CD109: variants seen among roughly 807,000 people sequenced by gnomAD.
The protein encoded by CD109 is CD109 molecule, also known as CD109 antigen.
Under a neutral mutation model 165.8 loss-of-function variants are expected in CD109, and 149 were observed. The observed-to-expected ratio is 0.90, with a 90% CI of 0.79 to 1.03. The LOEUF (loss-of-function observed/expected upper bound fraction) is 1.03. CD109 is among the 50% of genes least tolerant of loss of function. CD109 has a pLI of 0.00. For missense variants in CD109, 1,712 were observed against 1,677.8 expected (o/e 1.02, Z -0.36); for synonymous variants, 585 against 592.1 (o/e 0.99, Z 0.18).
At chr6:73,685,243 A>C in the CD109 span, among the ~76,000 whole-genome samples, 1 of 152,000 alleles carries the variant, frequency 6.6e-6, no homozygotes, top group Non-Finnish European at 1.5e-5. Context: ...CTTGTTATTG[A>C]GTAGTTTGAG....
intron 3 of CD109, among the ~76,000 whole-genome samples, chr6:73,727,241 C>T (rs942641998): frequency 2.0e-5 from 3 of 152,132 alleles, no homozygotes; most frequent in Admixed American, 1.3e-4. Flanking sequence ...CCGAGGTCTG[C>T]ATTGACACCA....
At chr6:73,753,134 C>A (rs1773256115) in intron 5 of CD109, among the ~76,000 whole-genome samples, 1 of 152,142 alleles carries the variant, frequency 6.6e-6, no homozygotes, top group African/African-American at 2.4e-5. Context: ...CATAGTCGTG[C>A]TCGTTTGTTT....
At chr6:73,790,512 G>T (rs1449146011) in intron 22 of CD109, among the ~76,000 whole-genome samples, 1 of 152,188 alleles carries the variant, frequency 6.6e-6, no homozygotes, top group Non-Finnish European at 1.5e-5. Context: ...TTATTATGAG[G>T]AATTGGCTCA....
the CD109 span, among the ~76,000 whole-genome samples, chr6:73,685,182 A>T: frequency 6.6e-6 from 1 of 152,110 alleles, no homozygotes; most frequent in Non-Finnish European, 1.5e-5. Context: ...GATTATAGGC[A>T]TGAGCCACTG....
chr6:73,778,321 G>T (rs183729953), intron 15 of CD109, among the ~76,000 whole-genome samples: 11 of 152,238 alleles, frequency 7.2e-5, no homozygotes, highest in African/African-American at 2.6e-4. Flanking sequence ...TCTAGATATA[G>T]GATTATGTCA....
intron 23 of CD109, among the ~76,000 whole-genome samples, chr6:73,793,040 C>A (rs553824958): frequency 6.6e-6 from 1 of 152,210 alleles, no homozygotes; most frequent in South Asian, 2.1e-4. Context: ...GAGTTAGTTT[C>A]TGGTGGGAGG....
chr6:73,725,504 C>CTTCT lies in CD109; in HGVS notation c.276+2227_276+2228insCTTT, dbSNP rs747396382. Among the ~76,000 whole-genome samples, 697 of 89,424 alleles carry CTTCT rather than the reference C, an allele frequency of 7.8e-3. 7 individuals are homozygous for CTTCT. The highest frequency in any genetic ancestry group is 0.012 in the Non-Finnish European group (551 of 47,894). 58.7% of individuals were successfully genotyped at this position (89,424 alleles called of 152,430 possible). A position where few individuals can be genotyped will look rare whatever the true frequency, so the allele number is the denominator to read the frequency against. On this transcript the variant is annotated intron_variant, in intron 3 of 32. Coordinates refer to ENST00000287097, the MANE Select transcript of CD109 (RefSeq NM_133493.5). ...AACTAGAAATTTGTCTACTACACTT[C>CTTCT]TTTTTTTTTTTTTTTTTTTTTGAGA...
intron 14 of CD109, among the ~76,000 whole-genome samples, chr6:73,770,255 A>G (rs1380240728): frequency 6.6e-6 from 1 of 152,176 alleles, no homozygotes; most frequent in African/African-American, 2.4e-5. Context: ...CATCTCAGAG[A>G]GTTGGAGAAA....
chr6:73,802,853 C>T (rs928949606), intron 23 of CD109, among the ~76,000 whole-genome samples: 3 of 152,058 alleles, frequency 2.0e-5, no homozygotes, highest in African/African-American at 7.2e-5. Context: ...GCATGTGCCA[C>T]CATGCCCGGC....
Position 73,823,767 on chromosome 6 carries a change from G to A in CD109, c.*134G>A. On this transcript the variant is annotated 3_prime_UTR_variant, in exon 33 of 33. Coordinates refer to ENST00000287097, the MANE Select transcript of CD109 (RefSeq NM_133493.5). The stretch of plus-strand genomic sequence containing the variant: ...CTTTCTATGGGGTTGCAGGGATGGT[G>A]TACAACAGGTCCTAGCATGTATAGC... 1.4e-6 allele frequency: 1 copy of A among 717,606 alleles called. No individual in the cohort carries two copies. Among genetic ancestry groups the A allele is most frequent in the East Asian group, 2.6e-5 (1 of 38,938 alleles). The allele number at this position is 717,606 out of a possible 1,614,324, so 44.5% of individuals were successfully genotyped here. A position where few individuals can be genotyped will look rare whatever the true frequency, so the allele number is the denominator to read the frequency against.
intron 27 of CD109, among the ~76,000 whole-genome samples, chr6:73,810,777 CAAT>C (rs1775727187): frequency 6.6e-6 from 1 of 151,990 alleles, no homozygotes; most frequent in Non-Finnish European, 1.5e-5. Context: ...TGACAAAAAT[CAAT>C]AAGATCTATA....
chr6:73,724,599 G>A (rs1055591876), intron 3 of CD109, among the ~76,000 whole-genome samples: 3 of 150,536 alleles, frequency 2.0e-5, no homozygotes, highest in African/African-American at 7.3e-5. Context: ...AGCCAGGTTC[G>A]CTCATTACCT....
At chr6:73,692,213 C>G (rs1473603857), upstream of CD109, among the ~76,000 whole-genome samples, 1 of 152,092 alleles carries the variant, frequency 6.6e-6, no homozygotes, top group Non-Finnish European at 1.5e-5. Context: ...AGATCCAAAC[C>G]ATATCAACAC....
intron 31 of CD109, 39 bp from the exon 32 acceptor site, chr6:73,820,422 A>C (rs1309916895): frequency 1.8e-6 from 2 of 1,120,364 alleles, no homozygotes; most frequent in African/African-American, 3.1e-5. Context: ...ATGAACACAC[A>C]GTGTGCCAAC....
intron 3 of CD109, among the ~76,000 whole-genome samples, chr6:73,728,895 A>T (rs1339799680): frequency 6.6e-6 from 1 of 152,244 alleles, no homozygotes; most frequent in Non-Finnish European, 1.5e-5. Flanking sequence ...AACTTTTATT[A>T]CTTCTCACAG....
intron 22 of CD109, among the ~76,000 whole-genome samples, chr6:73,790,692 G>T (rs1239258349): frequency 1.3e-5 from 2 of 152,074 alleles, no homozygotes; most frequent in East Asian, 3.9e-4. Flanking sequence ...AAGTAGTGAG[G>T]CAGGAAAAAA....
At chr6:73,748,540 G>A (rs933581966) in intron 5 of CD109, among the ~76,000 whole-genome samples, 4 of 152,156 alleles carry the variant, frequency 2.6e-5, no homozygotes, top group Admixed American at 6.5e-5. Flanking sequence ...TAGATCAGAA[G>A]GTCCATGCGG....
chr6:73,754,618 A>G (rs887806639), intron 5 of CD109, among the ~76,000 whole-genome samples: 2 of 152,208 alleles, frequency 1.3e-5, no homozygotes, highest in East Asian at 1.9e-4. Flanking sequence ...TTGATTTCCT[A>G]TATTTGTAAA....
Position 73,818,891 on chromosome 6 carries a change from G to T in CD109, c.4059+356G>T, listed in dbSNP as rs573002710. On this transcript the variant is annotated intron_variant, in intron 31 of 32. Coordinates refer to ENST00000287097, the MANE Select transcript of CD109 (RefSeq NM_133493.5). ...GAGTTGCCTAGGCTGGAGTGCAGTG[G>T]TGCAATCGTAGCTCACTGCAACCTC... Among the ~76,000 whole-genome samples the T allele has an allele frequency of 2.6e-5, 4 of 152,312 alleles. No individual in the cohort carries two copies. In the East Asian group the frequency reaches 7.7e-4, roughly 29 times the overall value.
Sources: gnomAD v4.1 joint callset for allele counts (sites outside exome capture counted in the v4.1 genomes callset) on GRCh38, gnomAD v4.1.1 for gene constraint, MANE v1.5 for transcripts, NCBI Gene and HGNC (gene_info 2026-07-23, HGNC 2026-07-21) for gene names.